EAPP: variants seen among roughly 807,000 people sequenced by gnomAD.
The protein encoded by EAPP is E2F-associated phosphoprotein.
EAPP carries 38 observed loss-of-function variants against 34.3 expected under a neutral mutation model. The ratio of observed to expected loss-of-function variants is 1.11; its 90% CI spans 0.85 to 1.45. The LOEUF is 1.45. EAPP is among the 40% of genes most tolerant of loss of function. EAPP has a pLI of 0.00. For synonymous variants in EAPP, 113 were observed against 117.6 expected (o/e 0.96, Z 0.25); for missense variants, 338 against 343.7 (o/e 0.98, Z 0.13).
chr14:34,517,956 G>A (rs1179614162), intron 5 of EAPP, among the ~76,000 whole-genome samples: 1 of 151,750 alleles, frequency 6.6e-6, no homozygotes, highest in Admixed American at 6.6e-5. Context: ...TGTATTTTTA[G>A]TAGAGACAGG....
chr14:34,527,940 G>A (rs938879015), intron 4 of EAPP, among the ~76,000 whole-genome samples: 2 of 152,092 alleles, frequency 1.3e-5, no homozygotes, highest in Non-Finnish European at 2.9e-5. Context: ...CACTTTTAAA[G>A]TGGGTACTTT....
At position 34,533,502 on chromosome 14, in the gene EAPP, CG is replaced by C; in HGVS notation, c.293del (p.Pro98ArgfsTer23). 1 of 1,599,414 alleles carries C rather than the reference CG, an allele frequency of 6.3e-7. No individual in the cohort carries two copies. Among genetic ancestry groups the C allele is most frequent in the Non-Finnish European group, 8.5e-7 (1 of 1,175,954 alleles). On this transcript the variant is annotated frameshift_variant, in exon 3 of 6. Transcript: ENST00000250454. LOFTEE classifies it high-confidence loss of function. ...SSGNGKVATA[P>X]TRYYDDIYFD... ...AATATATATCATCGTAGTACCTTGT[CG>C]GAGCTGTTGCAACTTTTCCATTTCC... is the stretch of plus-strand genomic sequence containing the variant.
intron 1 of EAPP, among the ~76,000 whole-genome samples, chr14:34,538,677 A>G (rs911539004): frequency 4.6e-5 from 7 of 152,062 alleles, no homozygotes; most frequent in Non-Finnish European, 1.0e-4. Flanking sequence ...TCAGACTCCC[A>G]AAGTCCTGGG....
At chr14:34,522,279 C>T (rs1879943995) in intron 5 of EAPP, among the ~76,000 whole-genome samples, 1 of 132,468 alleles carries the variant, frequency 7.5e-6, no homozygotes, top group Non-Finnish European at 1.7e-5. Context: ...TTATTTCGAT[C>T]TCTGTTAAAT....
chr14:34,536,561 T>A (rs1167395770), intron 1 of EAPP: 1 of 199,736 alleles, frequency 5.0e-6, no homozygotes, highest in African/African-American at 2.4e-5. Context: ...ACCTCCCCAG[T>A]TCAAGCAATC....
intron 5 of EAPP, among the ~76,000 whole-genome samples, chr14:34,518,579 C>T (rs1019681419): frequency 1.3e-5 from 2 of 152,100 alleles, no homozygotes; most frequent in Non-Finnish European, 2.9e-5. Flanking sequence ...GATCCACCAA[C>T]CTCGGCCTCC....
intron 4 of EAPP, among the ~76,000 whole-genome samples, chr14:34,527,048 T>A (rs1261573703): frequency 2.0e-5 from 3 of 150,430 alleles, no homozygotes; most frequent in Non-Finnish European, 4.4e-5. Flanking sequence ...CACATGCCTG[T>A]AATCCCAGCT....
intron 2 of EAPP, chr14:34,535,832 G>C (rs1402808748): frequency 1.3e-5 from 4 of 306,382 alleles, no homozygotes; most frequent in African/African-American, 8.8e-5. Flanking sequence ...AGGAGTTTTA[G>C]GCTACAGTGA....
chr14:34,520,372 G>A (rs1275172150), intron 5 of EAPP, among the ~76,000 whole-genome samples: 5 of 150,306 alleles, frequency 3.3e-5, no homozygotes, highest in Admixed American at 1.3e-4. Context: ...AACACGCCCA[G>A]CTAATTTTTG....
intron 3 of EAPP, among the ~76,000 whole-genome samples, chr14:34,530,061 G>A (rs867729875): frequency 6.6e-6 from 1 of 151,602 alleles, no homozygotes. Context: ...TTAGCCAGGC[G>A]TGGTGGCAGG....
In EAPP at chr14:34,534,192, GCA is replaced by G. The variant is rs1424702721; in HGVS notation, c.257-655_257-654del. Among the ~76,000 whole-genome samples, 5 of 149,988 alleles carry G rather than the reference GCA, an allele frequency of 3.3e-5. No individual in the cohort carries two copies. The East Asian group carries it at 9.8e-4, about 29-fold the overall frequency. ...CTGTTGCCCAGGCTGGAGTGCAATAGCACAATCTCGGCTCACTGCAACCTCTG... is the reference window on the plus strand; with the variant it reads ...CTGTTGCCCAGGCTGGAGTGCAATAGCAATCTCGGCTCACTGCAACCTCTG... On this transcript the variant is annotated intron_variant, in intron 2 of 5. Coordinates refer to ENST00000250454, the MANE Select transcript of EAPP (RefSeq NM_018453.4).
chr14:34,525,423 G>C (rs7154505), intron 4 of EAPP, among the ~76,000 whole-genome samples: 4 of 151,968 alleles, frequency 2.6e-5, no homozygotes, highest in African/African-American at 9.7e-5. Flanking sequence ...TATAATGTGA[G>C]GAAAATGGCT....
chr14:34,517,538 C>T (rs961136844), intron 5 of EAPP, among the ~76,000 whole-genome samples: 20 of 152,026 alleles, frequency 1.3e-4, no homozygotes, highest in Admixed American at 5.2e-4. Flanking sequence ...CATGAGCCAC[C>T]GTGCCTAGCC....
intron 1 of EAPP, among the ~76,000 whole-genome samples, chr14:34,538,503 C>T (rs1880550221): frequency 1.3e-5 from 2 of 152,144 alleles, no homozygotes; most frequent in Admixed American, 1.3e-4. Flanking sequence ...TCACTCCCAA[C>T]AAAAGAAATC....
chr14:34,532,875 C>G (rs1403899620), intron 3 of EAPP, among the ~76,000 whole-genome samples: 1 of 152,096 alleles, frequency 6.6e-6, no homozygotes, highest in Admixed American at 6.6e-5. Context: ...TGGGGTTTCA[C>G]CATGTTGGCA....
At chr14:34,523,515 A>G (rs6571663) in intron 5 of EAPP, among the ~76,000 whole-genome samples, 113,817 of 146,148 alleles carry the variant, frequency 0.78, 45,078 homozygotes, top group Non-Finnish European at 0.85. Context: ...GTGAGCCACC[A>G]CGCCCAGCCC....
chr14:34,516,505 T>C lies in EAPP; in HGVS notation c.663A>G (p.Lys221=). Reference sequence around the variant, plus strand: ...GCCTTTTCTTCCTGTTCTCTGAGGCTTTATATCTTAGAACCTCCTCTTTGT... The same window carrying C: ...GCCTTTTCTTCCTGTTCTCTGAGGCCTTATATCTTAGAACCTCCTCTTTGT... The part of the protein sequence containing the change: ...SINKEEVLRY[K]ASENRKKRRV... The change falls in exon 6 of 6, where the codon AAA becomes AAG. Residue 221 remains lysine (K), a synonymous_variant. Transcript: ENST00000250454. The C allele has an allele frequency of 6.2e-7, 1 of 1,614,200 alleles. No individual in the cohort carries two copies. Among genetic ancestry groups the C allele is most frequent in the Non-Finnish European group, 8.5e-7 (1 of 1,180,030 alleles).
In EAPP at chr14:34,517,237, C is replaced by T. The variant is rs376881378; in HGVS notation, c.582-651G>A. Reference sequence around the variant, plus strand: ...TCAGGCGTGAGCCACCGCACCCAGACGATTCTATTTCTTTTTTTTTTTTTT... The same window carrying T: ...TCAGGCGTGAGCCACCGCACCCAGATGATTCTATTTCTTTTTTTTTTTTTT... On this transcript the variant is annotated intron_variant, in intron 5 of 5. Coordinates refer to ENST00000250454, the MANE Select transcript of EAPP (RefSeq NM_018453.4). Among the ~76,000 whole-genome samples the T allele has an allele frequency of 2.0e-4, 29 of 147,356 alleles. No homozygotes were observed. The East Asian group carries it at 4.2e-3, about 21-fold the overall frequency.
In EAPP at chr14:34,524,810, A is replaced by G. The variant is rs1214476108; in HGVS notation, c.471-3T>C. ...TCTGTGGTCCCAAACCATGGTAACT[A>G]GAACAGAAGAAGAAAGTGGGGAGAA... is the stretch of plus-strand genomic sequence containing the variant. On this transcript the variant is annotated splice_polypyrimidine_tract_variant and splice_region_variant and intron_variant, in intron 4 of 5. Coordinates refer to ENST00000250454, the MANE Select transcript of EAPP (RefSeq NM_018453.4). 1.2e-6 allele frequency: 2 copies of G among 1,608,760 alleles called. No individual in the cohort carries two copies. Among genetic ancestry groups the G allele is most frequent in the South Asian group, 2.2e-5 (2 of 90,888 alleles).
Sources: gnomAD v4.1 joint callset for allele counts (sites outside exome capture counted in the v4.1 genomes callset) on GRCh38, gnomAD v4.1.1 for gene constraint, MANE v1.5 for transcripts, NCBI Gene and HGNC (gene_info 2026-07-23, HGNC 2026-07-21) for gene names.